Variants in ALCAM observed in about 807,000 individuals in gnomAD.
ALCAM encodes the protein CD166 antigen.
A neutral mutation model predicts 70.9 loss-of-function variants in ALCAM; 30 were observed. The ratio of observed to expected loss-of-function variants is 0.42; its 90% CI spans 0.32 to 0.57. The LOEUF (loss-of-function observed/expected upper bound fraction) is 0.57, where lower values mean the gene tolerates loss of function less well. Among genes scored for constraint, ALCAM ranks in the 20% least tolerant of loss-of-function variants. The pLI is 0.11. For missense variants in ALCAM, 591 were observed against 695.1 expected (o/e 0.85, Z 1.68); for synonymous variants, 249 against 242.5 (o/e 1.03, Z -0.25).
chr3:105,438,406 T>A lies in ALCAM; in HGVS notation c.73+70925T>A, dbSNP rs371896490. ...CATAATTTTATTTTTAAAATGTTAG[T>A]TAAGCTTTTAAAAAGTCTCAGAAAA... On this transcript the variant is annotated intron_variant, in intron 1 of 15. Transcript: ENST00000306107. 4.6e-5 allele frequency among the ~76,000 whole-genome samples: 7 copies of A among 152,268 alleles called. No homozygotes were observed. The East Asian group carries it at 1.4e-3, about 29-fold the overall frequency.
intron 8 of ALCAM, among the ~76,000 whole-genome samples, chr3:105,542,512 AGTG>A (rs1188906045): frequency 6.6e-6 from 1 of 151,840 alleles, no homozygotes; most frequent in Admixed American, 6.6e-5. Flanking sequence ...TAGAATTCAG[AGTG>A]CTTTAAGCAA....
At chr3:105,559,054 A>T (rs1260712674) in intron 14 of ALCAM, among the ~76,000 whole-genome samples, 2 of 151,852 alleles carry the variant, frequency 1.3e-5, no homozygotes, top group Non-Finnish European at 2.9e-5. Flanking sequence ...ACTTACTATG[A>T]TCCTGTAATT....
intron 1 of ALCAM, among the ~76,000 whole-genome samples, chr3:105,518,054 A>C (rs1208373999): frequency 6.6e-6 from 1 of 152,134 alleles, no homozygotes; most frequent in African/African-American, 2.4e-5. Flanking sequence ...AGTTCTATAG[A>C]GAAGAGAAAA....
rs1213938001 is a variant in ALCAM, at chr3:105,404,611, T to C, written c.73+37130T>C. Among the ~76,000 whole-genome samples, 4 of 150,370 alleles carry C rather than the reference T, an allele frequency of 2.7e-5. No individual in the cohort carries two copies. The East Asian group carries it at 5.9e-4, about 22-fold the overall frequency. On this transcript the variant is annotated intron_variant, in intron 1 of 15. Coordinates refer to ENST00000306107, the MANE Select transcript of ALCAM (RefSeq NM_001627.4). ...TCTAAATCCTGAAACAAATCCTCAA[T>C]ATACACAAAATAGAACCTCCCTAAA...
intron 1 of ALCAM, among the ~76,000 whole-genome samples, chr3:105,416,006 C>G (rs1936498343): frequency 6.6e-6 from 1 of 151,996 alleles, no homozygotes; most frequent in Non-Finnish European, 1.5e-5. Flanking sequence ...TAAGACAAAC[C>G]AGATATGCTG....
At chr3:105,525,636 C>G (rs960481828) in intron 3 of ALCAM, among the ~76,000 whole-genome samples, 1 of 152,192 alleles carries the variant, frequency 6.6e-6, no homozygotes, top group Non-Finnish European at 1.5e-5. Context: ...TCCTGTTTCT[C>G]TTGTAATAGC....
At chr3:105,540,173 A>G in intron 7 of ALCAM, 71 bp downstream of exon 7, 1 of 1,423,632 alleles carries the variant, frequency 7.0e-7, no homozygotes, top group Non-Finnish European at 9.5e-7. Context: ...ACATGGATAG[A>G]TTAAGTGAGA....
chr3:105,373,818 T>C (rs1935306537), intron 1 of ALCAM, among the ~76,000 whole-genome samples: 1 of 152,198 alleles, frequency 6.6e-6, no homozygotes, highest in East Asian at 1.9e-4. Flanking sequence ...AAGCAATGCA[T>C]ATGTGGAGAA....
intron 1 of ALCAM, among the ~76,000 whole-genome samples, chr3:105,473,530 G>T (rs1335386216): frequency 6.6e-6 from 1 of 151,352 alleles, no homozygotes; most frequent in East Asian, 1.9e-4. Context: ...CCAGCTATCT[G>T]CATACCCTAG....
intron 1 of ALCAM, 112 bp from the exon 2 acceptor site, chr3:105,519,955 A>G (rs1206753779): frequency 3.3e-6 from 2 of 612,210 alleles, no homozygotes; most frequent in Non-Finnish European, 5.7e-6. Context: ...ACTATAGCAG[A>G]TGACAACCTT....
chr3:105,407,428 A>G (rs1436873021), intron 1 of ALCAM, among the ~76,000 whole-genome samples: 3 of 152,164 alleles, frequency 2.0e-5, no homozygotes, highest in Admixed American at 1.3e-4. Context: ...ACATAAGTCA[A>G]TAGATGCGAT....
intron 1 of ALCAM, among the ~76,000 whole-genome samples, chr3:105,439,673 T>A (rs1937129566): frequency 6.6e-6 from 1 of 152,194 alleles, no homozygotes; most frequent in South Asian, 2.1e-4. Context: ...CAAGTGTTGA[T>A]CTGAAATCTA....
At chr3:105,559,822 A>G (rs1420701676) in intron 14 of ALCAM, among the ~76,000 whole-genome samples, 4 of 151,912 alleles carry the variant, frequency 2.6e-5, no homozygotes. Flanking sequence ...TAGAAAAGGT[A>G]CTCTTTTATA....
intron 1 of ALCAM, among the ~76,000 whole-genome samples, chr3:105,418,693 A>G (rs1936569602): frequency 6.6e-6 from 1 of 151,784 alleles, no homozygotes; most frequent in Non-Finnish European, 1.5e-5. Context: ...GGGTGTTTAC[A>G]TCAGAAGACT....
At chr3:105,428,399 C>T (rs1488035249) in intron 1 of ALCAM, among the ~76,000 whole-genome samples, 1 of 151,808 alleles carries the variant, frequency 6.6e-6, no homozygotes, top group Non-Finnish European at 1.5e-5. Flanking sequence ...TCTAAAAGTT[C>T]ATCTTTCTAA....
chr3:105,432,632 T>C (rs1007916829), intron 1 of ALCAM, among the ~76,000 whole-genome samples: 2 of 152,136 alleles, frequency 1.3e-5, no homozygotes, highest in African/African-American at 4.8e-5. Context: ...TTAATGAGAA[T>C]TAAGTGTTAC....
chr3:105,547,026 A>C, intron 9 of ALCAM, 123 bp from the exon 10 acceptor site: 1 of 799,216 alleles, frequency 1.3e-6, no homozygotes, highest in Non-Finnish European at 1.8e-6. Context: ...TCTGAAGTTA[A>C]GAAAAAGAAG....
chr3:105,437,399 T>TAA (rs1387520015), intron 1 of ALCAM, among the ~76,000 whole-genome samples: 8 of 152,198 alleles, frequency 5.3e-5, no homozygotes, highest in Admixed American at 1.3e-4. Flanking sequence ...TGTTTTTTTA[T>TAA]AAGCCTTTCC....
intron 1 of ALCAM, among the ~76,000 whole-genome samples, chr3:105,474,270 AG>A (rs1938030973): frequency 6.6e-6 from 1 of 151,786 alleles, no homozygotes; most frequent in Admixed American, 6.6e-5. Flanking sequence ...GGCACTGAAT[AG>A]AACTGTTGAT....
Sources: gnomAD v4.1 joint callset for allele counts (sites outside exome capture counted in the v4.1 genomes callset) on GRCh38, gnomAD v4.1.1 for gene constraint, MANE v1.5 for transcripts, NCBI Gene and HGNC (gene_info 2026-07-23, HGNC 2026-07-21) for gene names.